The following SDK1 variants were observed in gnomAD, a reference collection of about 807,000 sequenced individuals.
SDK1 encodes protein sidekick-1.
Under a neutral mutation model 245.5 loss-of-function variants are expected in SDK1, and 157 were observed. That is an observed-to-expected ratio of 0.64 (90% CI 0.56 to 0.73). The LOEUF (loss-of-function observed/expected upper bound fraction) is 0.73. Ranked by LOEUF, SDK1 falls within the 30% of genes least tolerant of loss-of-function variation. The pLI, the probability that SDK1 is intolerant of heterozygous loss-of-function variation, is 0.00. For missense variants in SDK1, 3,583 were observed against 3,002.3 expected, an observed-to-expected ratio of 1.19 and a Z score of -4.52; for synonymous variants, 1,647 against 1,278.5, an observed-to-expected ratio of 1.29 and a Z score of -6.15.
chr7:3,918,430 G>C (rs530063583), intron 5 of SDK1, among the ~76,000 whole-genome samples: 35 of 152,280 alleles, frequency 2.3e-4, no homozygotes, highest in African/African-American at 8.2e-4. Context: ...TGCCCGCGAG[G>C]CATCTAGGTT....
intron 1 of SDK1, among the ~76,000 whole-genome samples, chr7:3,451,518 A>G (rs1256479448): frequency 3.9e-5 from 6 of 152,166 alleles, no homozygotes; most frequent in Non-Finnish European, 5.9e-5. Context: ...CACTGCATCA[A>G]TGTGATCAAA....
intron 4 of SDK1, among the ~76,000 whole-genome samples, chr7:3,816,312 T>G (rs1779506641): frequency 1.3e-5 from 2 of 150,944 alleles, no homozygotes. Flanking sequence ...CAGGAGCTGG[T>G]TTTTTGAAAG....
At chr7:3,406,009 C>T (rs543725432) in intron 1 of SDK1, among the ~76,000 whole-genome samples, 3 of 152,092 alleles carry the variant, frequency 2.0e-5, no homozygotes, top group Non-Finnish European at 4.4e-5. Flanking sequence ...GACAGGGTTT[C>T]GCCATATTGC....
At chr7:3,624,643 C>G (rs1583240715) in intron 2 of SDK1, among the ~76,000 whole-genome samples, 1 of 151,968 alleles carries the variant, frequency 6.6e-6, no homozygotes. Flanking sequence ...ACTTTTTTTT[C>G]TAAAACCCAA....
chr7:3,508,882 G>T (rs1012806838), intron 1 of SDK1, among the ~76,000 whole-genome samples: 1 of 152,172 alleles, frequency 6.6e-6, no homozygotes, highest in South Asian at 2.1e-4. Context: ...AGGAATGAAT[G>T]ATATTATAGG....
chr7:4,156,026 A>G (rs954366008), intron 30 of SDK1, among the ~76,000 whole-genome samples: 13 of 152,146 alleles, frequency 8.5e-5, no homozygotes, highest in African/African-American at 3.1e-4. Context: ...CACACACCTG[A>G]CTCTGCTGAG....
intron 5 of SDK1, among the ~76,000 whole-genome samples, chr7:3,823,793 T>G (rs1779703705): frequency 6.6e-6 from 1 of 152,154 alleles, no homozygotes; most frequent in Non-Finnish European, 1.5e-5. Context: ...TTTTGTTCCT[T>G]TATGAATTCT....
intron 7 of SDK1, among the ~76,000 whole-genome samples, chr7:3,956,068 G>A (rs548396906): frequency 1.3e-5 from 2 of 152,312 alleles, no homozygotes; most frequent in South Asian, 4.1e-4. Context: ...TTTCAAAAGA[G>A]GGAGAAGTGT....
At chr7:4,094,127 G>A (rs1781988532) in intron 22 of SDK1, among the ~76,000 whole-genome samples, 1 of 152,090 alleles carries the variant, frequency 6.6e-6, no homozygotes, top group South Asian at 2.1e-4. Flanking sequence ...TGTGATCTCA[G>A]CTCACTGCAA....
intron 1 of SDK1, among the ~76,000 whole-genome samples, chr7:3,357,459 TC>T (rs1328873865): frequency 6.8e-6 from 1 of 147,664 alleles, no homozygotes; most frequent in African/African-American, 2.5e-5. Context: ...CAGGTGATCT[TC>T]CCACCTCAGT....
At chr7:3,821,330 C>T in intron 4 of SDK1, 120 bp from the exon 5 acceptor site, 2 of 1,156,592 alleles carry the variant, frequency 1.7e-6, no homozygotes, top group South Asian at 1.6e-5. Flanking sequence ...TTGTTTTTGT[C>T]CTTCCAGCTC....
At chr7:3,606,024 A>G (rs11509896) in intron 1 of SDK1, among the ~76,000 whole-genome samples, 5 of 152,236 alleles carry the variant, frequency 3.3e-5, no homozygotes, top group Admixed American at 6.5e-5. Flanking sequence ...TGAAAATAAC[A>G]TACACTTCAT....
rs77643808 is a variant in SDK1 at position 3,884,255 on chromosome 7, T to C, written c.847+62672T>C. On this transcript the variant is annotated intron_variant, in intron 5 of 44. Transcript: ENST00000404826. ...GCCACTGCACCCGGCCGCCTTTCTT[T>C]CCTTGTAGCTTTTTGATGGCTGTGC... 5.2e-3 allele frequency among the ~76,000 whole-genome samples: 791 copies of C among 152,182 alleles called. 7 individuals are homozygous for C. The highest frequency in any genetic ancestry group is 0.018 in the African/African-American group (733 of 41,542).
chr7:4,064,211 A>G (rs1331433259), intron 19 of SDK1, among the ~76,000 whole-genome samples: 4 of 152,174 alleles, frequency 2.6e-5, no homozygotes, highest in Non-Finnish European at 5.9e-5. Context: ...AAAATATACA[A>G]AGAACTCAGC....
Position 4,078,792 on chromosome 7 carries a change from C to T in SDK1, c.3203-671C>T, listed in dbSNP as rs189122813. The stretch of plus-strand genomic sequence containing the variant: ...TAGGAGTAGGCTTGAGCCACGGGCA[C>T]CCTCAACGGGAGGCTCATTCAGAAC... On this transcript the variant is annotated intron_variant, in intron 21 of 44. Transcript: ENST00000404826. 1.3e-3 allele frequency among the ~76,000 whole-genome samples: 203 copies of T among 152,252 alleles called. 1 individual carries two copies. Among genetic ancestry groups the T allele is most frequent in the African/African-American group, 4.7e-3 (196 of 41,552 alleles).
intron 1 of SDK1, among the ~76,000 whole-genome samples, chr7:3,442,790 C>T (rs1780232357): frequency 6.6e-6 from 1 of 152,296 alleles, no homozygotes; most frequent in Admixed American, 6.5e-5. Context: ...TTGCCAGTGA[C>T]TACCTGTGAA....
At chr7:3,907,498 T>C (rs536481769) in intron 5 of SDK1, among the ~76,000 whole-genome samples, 3 of 152,362 alleles carry the variant, frequency 2.0e-5, no homozygotes, top group Non-Finnish European at 4.4e-5. Flanking sequence ...TACCACACTC[T>C]ATGTATCCAC....
intron 5 of SDK1, among the ~76,000 whole-genome samples, chr7:3,911,138 A>C (rs1027423114): frequency 6.6e-6 from 1 of 152,178 alleles, no homozygotes; most frequent in African/African-American, 2.4e-5. Flanking sequence ...AGTTGAAAGG[A>C]CACATAAAAA....
In SDK1 at chr7:3,998,308, G is replaced by A. The variant is rs561850177; in HGVS notation, c.2131+10986G>A. Among the ~76,000 whole-genome samples, 15 of 152,372 alleles carry A rather than the reference G, an allele frequency of 9.8e-5. No homozygotes were observed. In the South Asian group the frequency reaches 3.1e-3, roughly 32 times the overall value. On this transcript the variant is annotated intron_variant, in intron 14 of 44. Coordinates refer to ENST00000404826, the MANE Select transcript of SDK1 (RefSeq NM_152744.4). The stretch of plus-strand genomic sequence containing the variant: ...CCCTGCAACAGCTGGCATGATGGCA[G>A]CGGCAGGCTGTCTAGAGCAGCTGGC...
Sources: gnomAD v4.1 joint callset for allele counts (sites outside exome capture counted in the v4.1 genomes callset) on GRCh38, gnomAD v4.1.1 for gene constraint, MANE v1.5 for transcripts, NCBI Gene and HGNC (gene_info 2026-07-23, HGNC 2026-07-21) for gene names.